Variants in EDA observed in about 807,000 individuals in gnomAD.
EDA encodes ectodysplasin-A.
Under a neutral mutation model 23.6 loss-of-function variants are expected in EDA, and 2 were observed. That is an observed-to-expected ratio of 0.08 (90% confidence interval 0.03 to 0.27). The LOEUF (loss-of-function observed/expected upper bound fraction) is 0.27, where lower values mean the gene tolerates loss of function less well. Ranked by LOEUF, EDA falls within the 10% of genes least tolerant of loss-of-function variation. The pLI is 1.00. For missense variants in EDA, 229 were observed against 324.2 expected, an observed-to-expected ratio of 0.71 and a Z score of 2.26; for synonymous variants, 131 against 132.0, an observed-to-expected ratio of 0.99 and a Z score of 0.05.
chrX:69,965,288 T>A (rs933486639), intron 2 of EDA, among the ~76,000 whole-genome samples: 1 of 111,469 alleles, frequency 9.0e-6, no homozygotes, highest in Non-Finnish European at 1.9e-5. Context: ...AAAAGAAGTT[T>A]GTAAGGGTGT....
intron 1 of EDA, among the ~76,000 whole-genome samples, chrX:69,935,707 G>T (rs2147681537): frequency 9.1e-6 from 1 of 110,400 alleles, no homozygotes; most frequent in East Asian, 2.8e-4. Context: ...AATCATTTCA[G>T]GGTAGGGTTA....
chrX:69,887,808 G>T (rs1047153609), intron 1 of EDA, among the ~76,000 whole-genome samples: 6 of 111,428 alleles, frequency 5.4e-5, no homozygotes, highest in African/African-American at 1.3e-4. Flanking sequence ...TACCAACTAG[G>T]AATATTATAC....
intron 1 of EDA, among the ~76,000 whole-genome samples, chrX:69,810,244 C>T (rs111810062): frequency 8.9e-5 from 6 of 67,408 alleles, no homozygotes; most frequent in African/African-American, 1.2e-4. Context: ...GGTGACAGAG[C>T]GAGACTCCAT....
At chrX:69,824,399 G>A (rs2016343784) in intron 1 of EDA, among the ~76,000 whole-genome samples, 1 of 109,194 alleles carries the variant, frequency 9.2e-6, no homozygotes, top group African/African-American at 3.3e-5. Flanking sequence ...AGTTCTCCTT[G>A]AAGAGGTCCT....
chrX:69,867,953 T>C (rs998976694), intron 1 of EDA, among the ~76,000 whole-genome samples: 51 of 111,910 alleles, frequency 4.6e-4, no homozygotes, highest in African/African-American at 1.5e-3. Flanking sequence ...CAGTTCATGA[T>C]AGGCAGTTCA....
Position 70,037,625 on chromosome X carries a change from C to G in EDA, c.*2016C>G, listed in dbSNP as rs767747527. 37 of 111,640 alleles carry G rather than the reference C, an allele frequency of 3.3e-4. No homozygotes were observed. Among genetic ancestry groups the G allele is most frequent in the African/African-American group, 1.2e-3 (37 of 30,693 alleles). 9.2% of individuals were successfully genotyped at this position (111,640 alleles called of 1,213,427 possible). On this transcript the variant is annotated 3_prime_UTR_variant, in exon 8 of 8. Transcript: ENST00000374552. ...AGCCAGGTCTGACTCCAAAGCTGTT[C>G]CATTACACCACAGCATTGTGTGGAA...
intron 1 of EDA, among the ~76,000 whole-genome samples, chrX:69,657,707 C>T (rs1376626955): frequency 3.6e-5 from 4 of 111,864 alleles, no homozygotes; most frequent in Non-Finnish European, 7.5e-5. Context: ...AGCCAGTTGT[C>T]CCAGCACCAT....
At chrX:69,981,053 C>T (rs1243914531) in intron 2 of EDA, among the ~76,000 whole-genome samples, 1 of 111,679 alleles carries the variant, frequency 9.0e-6, no homozygotes, top group Non-Finnish European at 1.9e-5. Flanking sequence ...GGCATCTGCT[C>T]ACTTTACTGT....
intron 1 of EDA, among the ~76,000 whole-genome samples, chrX:69,887,746 A>G (rs1444409295): frequency 8.9e-6 from 1 of 111,898 alleles, no homozygotes; most frequent in Admixed American, 9.5e-5. Context: ...AAAATCTTGC[A>G]AGCCAGGAGG....
At position 69,618,122 on chromosome X, in the gene EDA, C is replaced by A. The variant is rs765154380; in HGVS notation, c.396+1418C>A. ...TTTATTTATCTACTGCCACTCCCCC[C>A]ACACCCCAATGCCCAGCAGAAGTAT... On this transcript the variant is annotated intron_variant, in intron 1 of 7. Transcript: ENST00000374552. 1.2e-4 allele frequency among the ~76,000 whole-genome samples: 13 copies of A among 111,863 alleles called. No individual in the cohort carries two copies. In the East Asian group the frequency reaches 3.1e-3, roughly 27 times the overall value.
chrX:69,792,716 A>T (rs2015436873), intron 1 of EDA, among the ~76,000 whole-genome samples: 1 of 112,118 alleles, frequency 8.9e-6, no homozygotes, highest in Non-Finnish European at 1.9e-5. Flanking sequence ...TTTCCCGGAT[A>T]ATTAGTGATA....
chrX:69,858,276 G>A (rs113761026), intron 1 of EDA, among the ~76,000 whole-genome samples: 81 of 111,705 alleles, frequency 7.3e-4, no homozygotes, highest in African/African-American at 2.6e-3. Context: ...TGATGAATAG[G>A]AGTCAAGAGA....
intron 3 of EDA, 55 bp from the exon 4 acceptor site, chrX:70,027,802 A>G (rs1324863161): frequency 2.5e-5 from 14 of 560,779 alleles, no homozygotes; most frequent in South Asian, 5.0e-5. Context: ...CAGCCTGGGC[A>G]ACAGAGCAGG....
chrX:69,825,800 A>G lies in EDA; in HGVS notation c.397-131227A>G, dbSNP rs190608093. On this transcript the variant is annotated intron_variant, in intron 1 of 7. Coordinates refer to ENST00000374552, the MANE Select transcript of EDA (RefSeq NM_001399.5). ...CTTTAATTGTGATGTTAGGGTGTCAATTCTGAATCTTTCCTGCTTTCTCTT... is the reference window on the plus strand; with the variant it reads ...CTTTAATTGTGATGTTAGGGTGTCAGTTCTGAATCTTTCCTGCTTTCTCTT... Among the ~76,000 whole-genome samples the G allele has an allele frequency of 1.6e-4, 18 of 111,158 alleles. No homozygotes were observed. The South Asian group carries it at 6.6e-3, about 41-fold the overall frequency.
intron 1 of EDA, among the ~76,000 whole-genome samples, chrX:69,951,525 T>C (rs1386482189): frequency 8.9e-6 from 1 of 111,978 alleles, no homozygotes; most frequent in Non-Finnish European, 1.9e-5. Context: ...AGGCACTAGC[T>C]ATACAAAAAT....
intron 1 of EDA, among the ~76,000 whole-genome samples, chrX:69,674,908 A>G (rs1934026225): frequency 8.9e-6 from 1 of 111,735 alleles, no homozygotes; most frequent in Admixed American, 9.5e-5. Flanking sequence ...TCCCTGACTG[A>G]TGTCCTTCCT....
chrX:69,968,975 G>C, intron 2 of EDA, among the ~76,000 whole-genome samples: 1 of 112,384 alleles, frequency 8.9e-6, no homozygotes, highest in Non-Finnish European at 1.9e-5. Flanking sequence ...ACTGCTTCCA[G>C]CATGTAGCTC....
intron 1 of EDA, among the ~76,000 whole-genome samples, chrX:69,623,527 TG>T (rs1345996503): frequency 8.9e-6 from 1 of 111,891 alleles, no homozygotes; most frequent in Non-Finnish European, 1.9e-5. Flanking sequence ...ATATGAATTT[TG>T]GGGGGAACAC....
intron 6 of EDA, among the ~76,000 whole-genome samples, chrX:70,030,795 G>A (rs747179776): frequency 1.8e-3 from 204 of 112,621 alleles, no homozygotes; most frequent in African/African-American, 6.2e-3. Flanking sequence ...GGGGATGGAG[G>A]TTATATCAGA....
Sources: gnomAD v4.1 joint callset for allele counts (sites outside exome capture counted in the v4.1 genomes callset) on GRCh38, gnomAD v4.1.1 for gene constraint, MANE v1.5 for transcripts, NCBI Gene and HGNC (gene_info 2026-07-23, HGNC 2026-07-21) for gene names.